Variants in PIP4P2 observed in about 807,000 individuals in gnomAD.
PIP4P2 encodes the protein phosphatidylinositol-4,5-bisphosphate 4-phosphatase 2, also known as type 2 phosphatidylinositol 4,5-bisphosphate 4-phosphatase.
In PIP4P2, 19 loss-of-function variants were observed where a neutral mutation model predicts 33.3. The ratio of observed to expected loss-of-function variants is 0.57; its 90% CI spans 0.40 to 0.84. PIP4P2 has a LOEUF of 0.84. Among genes scored for constraint, PIP4P2 ranks in the 40% least tolerant of loss-of-function variants. The probability of loss-of-function intolerance (pLI) is 0.00; values close to 1 mark genes in which losing one functional copy is unlikely to be tolerated. For missense variants in PIP4P2, 270 were observed against 324.7 expected (o/e 0.83, Z 1.29); for synonymous variants, 110 against 111.9 (o/e 0.98, Z 0.11).
chr8:91,017,217 T>A (rs1306740100), intron 4 of PIP4P2, among the ~76,000 whole-genome samples: 1 of 151,954 alleles, frequency 6.6e-6, no homozygotes, highest in Non-Finnish European at 1.5e-5. Context: ...TGGCCAACAT[T>A]ATGTAACCCC....
chr8:91,001,007 C>G (rs893694742), intron 5 of PIP4P2, among the ~76,000 whole-genome samples: 2 of 151,970 alleles, frequency 1.3e-5, no homozygotes, highest in East Asian at 3.8e-4. Flanking sequence ...TTAAACCGTA[C>G]GTGCATTTTA....
intron 1 of PIP4P2, among the ~76,000 whole-genome samples, chr8:91,031,607 T>C (rs1812165213): frequency 1.3e-5 from 2 of 152,224 alleles, no homozygotes; most frequent in African/African-American, 4.8e-5. Flanking sequence ...TAGAAGTAAA[T>C]GCTTAGAATA....
chr8:91,018,923 TTC>T (rs1277335100), intron 3 of PIP4P2, among the ~76,000 whole-genome samples: 2 of 152,154 alleles, frequency 1.3e-5, no homozygotes, highest in Non-Finnish European at 2.9e-5. Context: ...ACAACCAAAT[TTC>T]TCTGAGCAGT....
intron 3 of PIP4P2, among the ~76,000 whole-genome samples, chr8:91,019,396 A>C (rs1373245355): frequency 3.3e-5 from 2 of 60,662 alleles, no homozygotes; most frequent in Admixed American, 1.5e-4. Context: ...CTGTCTCTAC[A>C]AAAAAAAAAA....
intron 1 of PIP4P2, among the ~76,000 whole-genome samples, chr8:91,038,568 A>G (rs927571406): frequency 6.6e-6 from 1 of 152,180 alleles, no homozygotes; most frequent in African/African-American, 2.4e-5. Context: ...TATGGGATTG[A>G]TCACTCTTGT....
At chr8:91,016,897 T>A (rs531615688) in intron 4 of PIP4P2, among the ~76,000 whole-genome samples, 33 of 152,260 alleles carry the variant, frequency 2.2e-4, no homozygotes, top group Admixed American at 1.8e-3. Context: ...CATAGAAAAT[T>A]AAATCCAAAG....
Position 91,040,705 on chromosome 8 carries a change from T to G in PIP4P2, c.45A>C (p.Ala15=), listed in dbSNP as rs759609718. ...GVDERSPLLS[A]SHSGNVTPTA... Reference sequence around the variant, plus strand: ...TGGGAGTGACATTTCCGGAGTGGGATGCTGACAGCAGAGGCGAGCGTTCGT... The same window carrying G: ...TGGGAGTGACATTTCCGGAGTGGGAGGCTGACAGCAGAGGCGAGCGTTCGT... The change falls in exon 1 of 7, where the codon GCA becomes GCC. Residue 15 remains alanine (A), a synonymous_variant. Coordinates refer to ENST00000285419, the MANE Select transcript of PIP4P2 (RefSeq NM_018710.3). 1 of 1,613,188 alleles carries G rather than the reference T, an allele frequency of 6.2e-7. No individual in the cohort carries two copies. The highest frequency in any genetic ancestry group is 8.5e-7 in the Non-Finnish European group (1 of 1,180,022).
intron 6 of PIP4P2, among the ~76,000 whole-genome samples, chr8:90,996,022 T>C (rs1416903796): frequency 2.0e-5 from 3 of 152,092 alleles, no homozygotes; most frequent in African/African-American, 7.2e-5. Flanking sequence ...TGTTATGAAG[T>C]AAACAAAAAA....
intron 1 of PIP4P2, among the ~76,000 whole-genome samples, chr8:91,022,200 A>G (rs1290761293): frequency 6.6e-6 from 1 of 152,190 alleles, no homozygotes; most frequent in Non-Finnish European, 1.5e-5. Context: ...TTGATAACTG[A>G]TGAATATAAT....
rs780049263 is a variant in PIP4P2, at chr8:91,013,608, C to T, written c.486+4782G>A. On this transcript the variant is annotated intron_variant, in intron 4 of 6. Coordinates refer to ENST00000285419, the MANE Select transcript of PIP4P2 (RefSeq NM_018710.3). ...GGAATGCAGTGGTATGAACATAGCT[C>T]GCTGCAACCTCCAACTCCTGGGCTC... Among the ~76,000 whole-genome samples the T allele has an allele frequency of 1.5e-4, 23 of 152,070 alleles. 1 individual carries two copies. The highest frequency in any genetic ancestry group is 2.8e-4 in the Non-Finnish European group (19 of 68,014).
At chr8:91,035,234 G>A (rs34250051) in intron 1 of PIP4P2, among the ~76,000 whole-genome samples, 72,043 of 152,060 alleles carry the variant, frequency 0.47, 19,279 homozygotes, top group South Asian at 0.64. Flanking sequence ...GAGCTTCAGA[G>A]TAAAGGAATA....
intron 4 of PIP4P2, among the ~76,000 whole-genome samples, chr8:91,015,081 C>G (rs555251912): frequency 6.6e-6 from 1 of 151,968 alleles, no homozygotes; most frequent in African/African-American, 2.4e-5. Flanking sequence ...GAAGACGGCA[C>G]GAATAAAAAG....
At chr8:91,023,845 CTATT>C (rs1812044862) in intron 1 of PIP4P2, among the ~76,000 whole-genome samples, 1 of 152,048 alleles carries the variant, frequency 6.6e-6, no homozygotes, top group Non-Finnish European at 1.5e-5. Flanking sequence ...TTAGACATAT[CTATT>C]TGTCTTGGAA....
chr8:90,999,473 A>G lies in PIP4P2; in HGVS notation c.540-2729T>C, dbSNP rs115782833. The stretch of plus-strand genomic sequence containing the variant: ...GCCAGTTGGCTTTTCCACTCAATTC[A>G]AAGAGGAGAGAAAAAACGAAGACAG... On this transcript the variant is annotated intron_variant, in intron 5 of 6. Transcript: ENST00000285419. 3.8e-3 allele frequency among the ~76,000 whole-genome samples: 576 copies of G among 152,178 alleles called. 4 individuals are homozygous for G. Among genetic ancestry groups the G allele is most frequent in the African/African-American group, 0.013 (548 of 41,558 alleles).
intron 1 of PIP4P2, among the ~76,000 whole-genome samples, chr8:91,032,453 A>G (rs1015200696): frequency 3.9e-5 from 6 of 152,108 alleles, no homozygotes; most frequent in African/African-American, 1.4e-4. Flanking sequence ...ATGGAATGCC[A>G]TTCCCAATTT....
intron 5 of PIP4P2, among the ~76,000 whole-genome samples, chr8:91,000,838 T>C (rs1234813343): frequency 2.0e-5 from 3 of 151,098 alleles, no homozygotes; most frequent in Non-Finnish European, 4.5e-5. Context: ...CCATTCTTTA[T>C]TTGTTCCTTC....
intron 4 of PIP4P2, among the ~76,000 whole-genome samples, chr8:91,016,127 C>T (rs867769562): frequency 3.3e-5 from 5 of 152,138 alleles, no homozygotes; most frequent in Non-Finnish European, 7.4e-5. Context: ...TGAAGAGGAA[C>T]CTCTACTTTA....
intron 1 of PIP4P2, among the ~76,000 whole-genome samples, chr8:91,022,996 G>T (rs1812033066): frequency 6.6e-6 from 1 of 152,068 alleles, no homozygotes; most frequent in Non-Finnish European, 1.5e-5. Context: ...AAGAATTTGA[G>T]CGTGATCCAG....
chr8:91,025,691 C>T (rs542176965), intron 1 of PIP4P2, among the ~76,000 whole-genome samples: 1 of 152,094 alleles, frequency 6.6e-6, no homozygotes, highest in Non-Finnish European at 1.5e-5. Flanking sequence ...AGATATTTTA[C>T]GATTATAAGA....
Sources: gnomAD v4.1 joint callset for allele counts (sites outside exome capture counted in the v4.1 genomes callset) on GRCh38, gnomAD v4.1.1 for gene constraint, MANE v1.5 for transcripts, NCBI Gene and HGNC (gene_info 2026-07-23, HGNC 2026-07-21) for gene names.